Variants in PDE1C observed in about 807,000 individuals in gnomAD.
PDE1C encodes dual specificity calcium/calmodulin-dependent 3',5'-cyclic nucleotide phosphodiesterase 1C.
A neutral mutation model predicts 93.1 loss-of-function variants in PDE1C; 62 were observed. The ratio of observed to expected loss-of-function variants is 0.67; its 90% confidence interval spans 0.54 to 0.82. PDE1C has a LOEUF of 0.82. Ranked by LOEUF, PDE1C falls within the 40% of genes least tolerant of loss-of-function variation. The probability of loss-of-function intolerance (pLI) is 0.00; values close to 1 mark genes in which losing one functional copy is unlikely to be tolerated. For synonymous variants in PDE1C, 325 were observed against 310.1 expected, an observed-to-expected ratio of 1.05 and a Z score of -0.50; for missense variants, 742 against 884.6, an observed-to-expected ratio of 0.84 and a Z score of 2.04.
intron 1 of PDE1C, among the ~76,000 whole-genome samples, chr7:32,376,255 C>T (rs1204160953): frequency 6.6e-6 from 1 of 152,198 alleles, no homozygotes; most frequent in African/African-American, 2.4e-5. Context: ...AGCCACATGG[C>T]ATTAGCAAAA....
At chr7:31,785,274 C>T (rs1783808139) in intron 16 of PDE1C, 1 of 152,180 alleles carries the variant, frequency 6.6e-6, no homozygotes, top group Non-Finnish European at 1.5e-5. Flanking sequence ...TCAGGGGAGA[C>T]TGAATGAGTG....
At chr7:31,721,093 C>A in the PDE1C span, among the ~76,000 whole-genome samples, 4 of 152,176 alleles carry the variant, frequency 2.6e-5, no homozygotes, top group African/African-American at 9.7e-5. Context: ...TCAATGTTAA[C>A]TACATAATGC....
chr7:31,800,086 G>A (rs1200228409), intron 16 of PDE1C, among the ~76,000 whole-genome samples: 1 of 151,536 alleles, frequency 6.6e-6, no homozygotes, highest in Non-Finnish European at 1.5e-5. Flanking sequence ...CTAGTGAAAA[G>A]TTTGTTCAAT....
chr7:31,964,308 T>C (rs1347902897), intron 2 of PDE1C, among the ~76,000 whole-genome samples: 1 of 152,212 alleles, frequency 6.6e-6, no homozygotes, highest in Non-Finnish European at 1.5e-5. Context: ...CAGGAGATTA[T>C]ACCCCACACC....
At chr7:32,214,761 T>C (rs1353998301) in intron 1 of PDE1C, among the ~76,000 whole-genome samples, 1 of 152,182 alleles carries the variant, frequency 6.6e-6, no homozygotes, top group African/African-American at 2.4e-5. Flanking sequence ...ACTCTTTGCA[T>C]TGTAAACGGT....
chr7:32,325,928 T>A (rs1322138279), intron 1 of PDE1C, among the ~76,000 whole-genome samples: 1 of 152,128 alleles, frequency 6.6e-6, no homozygotes, highest in Non-Finnish European at 1.5e-5. Context: ...TTGCAATCAT[T>A]CAGACAAGAA....
intron 1 of PDE1C, among the ~76,000 whole-genome samples, chr7:32,327,789 A>AAAAAG (rs1554306795): frequency 6.0e-5 from 8 of 132,324 alleles, no homozygotes; most frequent in African/African-American, 2.2e-4. Context: ...AAAAAAAAAA[A>AAAAAG]AGAGAATCAT....
chr7:32,266,841 T>A (rs768811275), intron 1 of PDE1C, among the ~76,000 whole-genome samples: 1 of 132,410 alleles, frequency 7.6e-6, no homozygotes, highest in Non-Finnish European at 1.5e-5. Flanking sequence ...GGTCCTCAGA[T>A]GCCAAGATGG....
At chr7:32,051,377 G>A (rs1793333639) in intron 2 of PDE1C, among the ~76,000 whole-genome samples, 177 bp downstream of exon 2, 1 of 152,138 alleles carries the variant, frequency 6.6e-6, no homozygotes, top group South Asian at 2.1e-4. Context: ...TGCCTCACTA[G>A]ATGCCTGCAA....
At chr7:31,759,408 C>A (rs573843983) in intron 17 of PDE1C, among the ~76,000 whole-genome samples, 18 of 152,306 alleles carry the variant, frequency 1.2e-4, no homozygotes, top group African/African-American at 4.3e-4. Context: ...GTCGTACAAT[C>A]CCCGACCACT....
chr7:32,083,154 T>A (rs1203087796), intron 3 of PDE1C, among the ~76,000 whole-genome samples: 1 of 152,086 alleles, frequency 6.6e-6, no homozygotes, highest in Non-Finnish European at 1.5e-5. Context: ...AGAGAAGTGC[T>A]TAAAGGAGGA....
intron 2 of PDE1C, among the ~76,000 whole-genome samples, chr7:32,206,933 C>T (rs1805605943): frequency 6.6e-6 from 1 of 152,308 alleles, no homozygotes; most frequent in African/African-American, 2.4e-5. Context: ...GGGAAGAGAT[C>T]CTCTCTGCTT....
At chr7:32,421,246 T>C (rs1190461608) in intron 1 of PDE1C, among the ~76,000 whole-genome samples, 1 of 152,224 alleles carries the variant, frequency 6.6e-6, no homozygotes, top group African/African-American at 2.4e-5. Flanking sequence ...AACTGCTTTG[T>C]GGATTTTGCT....
At chr7:32,181,752 G>A (rs1403237258) in intron 2 of PDE1C, among the ~76,000 whole-genome samples, 2 of 152,018 alleles carry the variant, frequency 1.3e-5, no homozygotes, top group Non-Finnish European at 2.9e-5. Flanking sequence ...AGAAAAGCAA[G>A]AGCAAACATA....
In PDE1C at chr7:31,775,722, C is replaced by CT; in HGVS notation, c.1901dup (p.Arg635AlafsTer29). ...TTGGGGCTGGTGAGCCGTGAGAACG[C>CT]TGTTTTGTGCCTGTGAAGAGGAAAA... On this transcript the variant is annotated frameshift_variant, in exon 17 of 18. Coordinates refer to ENST00000396191, the MANE Select transcript of PDE1C (RefSeq NM_001191057.4). LOFTEE classifies it high-confidence loss of function. The CT allele has an allele frequency of 2.5e-6, 4 of 1,612,760 alleles. No homozygotes were observed. The highest frequency in any genetic ancestry group is 3.4e-6 in the Non-Finnish European group (4 of 1,179,824).
chr7:32,057,875 T>C (rs1794320823), intron 1 of PDE1C, among the ~76,000 whole-genome samples: 1 of 152,212 alleles, frequency 6.6e-6, no homozygotes, highest in Admixed American at 6.5e-5. Context: ...AAATTGTTTC[T>C]AATAGCCTGG....
intron 1 of PDE1C, among the ~76,000 whole-genome samples, chr7:32,416,851 G>C (rs922108117): frequency 6.6e-6 from 1 of 152,158 alleles, no homozygotes; most frequent in Admixed American, 6.5e-5. Context: ...TGAGTGCAGA[G>C]GAACGGGTAT....
At chr7:32,289,035 T>G (rs1396108830) in intron 1 of PDE1C, among the ~76,000 whole-genome samples, 1 of 152,248 alleles carries the variant, frequency 6.6e-6, no homozygotes, top group Non-Finnish European at 1.5e-5. Flanking sequence ...GCTAGAACTT[T>G]ACATATGTCA....
At chr7:31,948,960 C>T (rs1806990455) in intron 2 of PDE1C, among the ~76,000 whole-genome samples, 3 of 152,132 alleles carry the variant, frequency 2.0e-5, no homozygotes, top group Non-Finnish European at 4.4e-5. Context: ...GACTGATTTA[C>T]CACTCCTGAG....
Sources: allele counts gnomAD v4.1 joint callset (sites outside exome capture counted in the v4.1 genomes callset), GRCh38; gene constraint gnomAD v4.1.1; transcripts MANE v1.5; gene names NCBI Gene and HGNC (gene_info 2026-07-23, HGNC 2026-07-21).